Variants in C1QTNF7 observed in about 807,000 individuals in gnomAD.
The protein encoded by C1QTNF7 is complement C1q tumor necrosis factor-related protein 7.
A neutral mutation model predicts 19.6 loss-of-function variants in C1QTNF7; 15 were observed. The observed-to-expected ratio is 0.76, with a 90% confidence interval of 0.51 to 1.18. C1QTNF7 has a LOEUF of 1.18. Ranked by LOEUF, C1QTNF7 falls within the 50% of genes most tolerant of loss-of-function variation. The pLI, the probability that C1QTNF7 is intolerant of heterozygous loss-of-function variation, is 0.00. For synonymous variants in C1QTNF7, 142 were observed against 137.5 expected (o/e 1.03, Z -0.23); for missense variants, 324 against 359.7 (o/e 0.90, Z 0.80).
At chr4:15,344,525 C>T (rs1478553278) in intron 1 of C1QTNF7, among the ~76,000 whole-genome samples, 4 of 152,162 alleles carry the variant, frequency 2.6e-5, no homozygotes, top group African/African-American at 7.2e-5. Context: ...TCTACATGGA[C>T]CTCAGTTTAA....
At chr4:15,409,763 G>A (rs1719337500) in intron 1 of C1QTNF7, among the ~76,000 whole-genome samples, 1 of 152,166 alleles carries the variant, frequency 6.6e-6, no homozygotes, top group East Asian at 1.9e-4. Context: ...ACTTTAGTGA[G>A]CATCTCATCT....
In C1QTNF7 at chr4:15,350,322, A is replaced by AGGGAAGGAGAGAGAGAG. The variant is rs1553884471; in HGVS notation, c.13+10117_13+10118insGAAGGAGAGAGAGAGGG. Among the ~76,000 whole-genome samples, 3 of 32,478 alleles carry AGGGAAGGAGAGAGAGAG rather than the reference A, an allele frequency of 9.2e-5. 1 individual carries two copies. The highest frequency in any genetic ancestry group is 4.1e-4 in the African/African-American group (3 of 7,380). 21.3% of individuals were successfully genotyped at this position (32,478 alleles called of 152,430 possible). A position where few individuals can be genotyped will look rare whatever the true frequency, so the allele number is the denominator to read the frequency against. On this transcript the variant is annotated intron_variant, in intron 1 of 2. Transcript: ENST00000295297. ...GGAAAGGAGGGAAGGGAGGGAAGGA[A>AGGGAAGGAGAGAGAGAG]GGAGGAAAGAAAGGAGGGAGGGAGG...
intron 1 of C1QTNF7, among the ~76,000 whole-genome samples, chr4:15,391,754 A>T (rs1335340953): frequency 6.6e-6 from 1 of 152,222 alleles, no homozygotes; most frequent in Non-Finnish European, 1.5e-5. Context: ...AACATTGCAT[A>T]CAGATAAGGT....
chr4:15,412,629 T>C (rs1577266858), intron 1 of C1QTNF7, among the ~76,000 whole-genome samples: 1 of 152,324 alleles, frequency 6.6e-6, no homozygotes, highest in East Asian at 1.9e-4. Flanking sequence ...TAATCACATC[T>C]GCAAAGCCCG....
In C1QTNF7 at chr4:15,445,695, G is replaced by A. The variant is rs1397617903; in HGVS notation, c.*2896G>A. 1 of 152,164 alleles carries A rather than the reference G, an allele frequency of 6.6e-6. No homozygotes were observed. The allele number at this position is 152,164 out of a possible 1,614,324, so 9.4% of individuals were successfully genotyped here. ...TAGCAGATACAGTTTATCCACATTT[G>A]TAAATATTTGTATAAAGAAAGTAGC... On this transcript the variant is annotated 3_prime_UTR_variant, in exon 3 of 3. Transcript: ENST00000444304.
At chr4:15,372,810 A>G (rs1021095831) in intron 1 of C1QTNF7, among the ~76,000 whole-genome samples, 3 of 152,222 alleles carry the variant, frequency 2.0e-5, no homozygotes, top group Non-Finnish European at 4.4e-5. Flanking sequence ...TTAACATTAC[A>G]TGAAAAATGG....
intron 2 of C1QTNF7, among the ~76,000 whole-genome samples, chr4:15,436,332 G>A (rs1712536670): frequency 6.6e-6 from 1 of 152,202 alleles, no homozygotes; most frequent in Non-Finnish European, 1.5e-5. Context: ...GAAGTACTGG[G>A]CTATTGCAGC....
At chr4:15,438,096 T>G (rs942011193) in intron 2 of C1QTNF7, among the ~76,000 whole-genome samples, 21 of 152,212 alleles carry the variant, frequency 1.4e-4, no homozygotes, top group Non-Finnish European at 2.8e-4. Context: ...ACCTTTACAT[T>G]TCATATTTAA....
intron 1 of C1QTNF7, among the ~76,000 whole-genome samples, chr4:15,385,224 G>A (rs1718289165): frequency 6.6e-6 from 1 of 152,196 alleles, no homozygotes; most frequent in Non-Finnish European, 1.5e-5. Context: ...GATCAAAACA[G>A]ACAAAGTCCC....
upstream of C1QTNF7, among the ~76,000 whole-genome samples, chr4:15,426,519 A>G (rs571795011): frequency 6.6e-6 from 1 of 152,400 alleles, no homozygotes; most frequent in Non-Finnish European, 1.5e-5. Flanking sequence ...CAGAAAAAAT[A>G]CTGTAATACT....
At chr4:15,423,936 A>AT, upstream of C1QTNF7, among the ~76,000 whole-genome samples, 1 of 152,018 alleles carries the variant, frequency 6.6e-6, no homozygotes, top group Non-Finnish European at 1.5e-5. Flanking sequence ...AATATCCTTT[A>AT]TTTTTTTCCT....
At chr4:15,350,356 G>GAAGGAGGGAGGGAGGA (rs149573750) in intron 1 of C1QTNF7, among the ~76,000 whole-genome samples, 1 of 80,706 alleles carries the variant, frequency 1.2e-5, no homozygotes, top group African/African-American at 5.9e-5. Flanking sequence ...GGGAGGGAGG[G>GAAGGAGGGAGGGAGGA]AGGAAGGAAA....
intron 1 of C1QTNF7, among the ~76,000 whole-genome samples, chr4:15,418,891 G>A (rs1406183867): frequency 1.3e-5 from 2 of 152,220 alleles, no homozygotes; most frequent in Non-Finnish European, 2.9e-5. Context: ...AGACTGTGTA[G>A]GGAATTGGGG....
chr4:15,432,005 G>A (rs753222103), intron 1 of C1QTNF7, among the ~76,000 whole-genome samples: 9 of 152,194 alleles, frequency 5.9e-5, no homozygotes, highest in Non-Finnish European at 1.2e-4. Flanking sequence ...TTTGAGCAAC[G>A]ATGTGAAGAG....
intron 1 of C1QTNF7, among the ~76,000 whole-genome samples, chr4:15,379,325 T>C (rs967067602): frequency 2.6e-5 from 4 of 152,150 alleles, no homozygotes; most frequent in Non-Finnish European, 4.4e-5. Flanking sequence ...AACCAGAGAA[T>C]AGTGGTAAGT....
At chr4:15,404,517 ATTATAAC>A (rs1049124580) in intron 1 of C1QTNF7, among the ~76,000 whole-genome samples, 9 of 152,348 alleles carry the variant, frequency 5.9e-5, no homozygotes, top group Admixed American at 2.6e-4. Flanking sequence ...TTATGCTAGT[ATTATAAC>A]TTATACTTCA....
chr4:15,378,438 ATC>A (rs1219453612), intron 1 of C1QTNF7, among the ~76,000 whole-genome samples: 4 of 152,232 alleles, frequency 2.6e-5, no homozygotes, highest in African/African-American at 9.6e-5. Context: ...AAAGAAAAAA[ATC>A]TCTGAACCAA....
chr4:15,389,154 G>C lies in C1QTNF7; in HGVS notation c.14-46582G>C, dbSNP rs140333922. ...TGAGTTTTAAGGGGCAGTAGGGATG[G>C]CCTTCTGAAATCAGGAAGGGGTTGG... On this transcript the variant is annotated intron_variant, in intron 1 of 2. Transcript: ENST00000295297. Among the ~76,000 whole-genome samples, 21 of 152,296 alleles carry C rather than the reference G, an allele frequency of 1.4e-4. No homozygotes were observed. The East Asian group carries it at 4.1e-3, about 29-fold the overall frequency.
chr4:15,402,432 C>G (rs912175938), intron 1 of C1QTNF7, among the ~76,000 whole-genome samples: 1 of 152,122 alleles, frequency 6.6e-6, no homozygotes, highest in African/African-American at 2.4e-5. Context: ...ATGGAGAATC[C>G]ACCAAATAAG....
Sources: allele counts gnomAD v4.1 joint callset (sites outside exome capture counted in the v4.1 genomes callset), GRCh38; gene constraint gnomAD v4.1.1; transcripts MANE v1.5; gene names NCBI Gene and HGNC (gene_info 2026-07-23, HGNC 2026-07-21).